SYDE1: variants seen among roughly 807,000 people sequenced by gnomAD.
SYDE1 encodes rho GTPase-activating protein SYDE1.
In SYDE1, 34 loss-of-function variants were observed where a neutral mutation model predicts 63.3. The ratio of observed to expected loss-of-function variants is 0.54; its 90% confidence interval spans 0.41 to 0.71. SYDE1 has a LOEUF of 0.71. SYDE1 is among the 30% of genes least tolerant of loss of function. The pLI, the probability that SYDE1 is intolerant of heterozygous loss-of-function variation, is 0.00. For synonymous variants in SYDE1, 467 were observed against 473.4 expected (o/e 0.99, Z 0.18); for missense variants, 925 against 1,042.5 (o/e 0.89, Z 1.55).
chr19:15,110,546 G>A lies in SYDE1; in HGVS notation c.1101G>A (p.Val367=), dbSNP rs1431058807. The A allele has an allele frequency of 6.3e-7, 1 of 1,592,304 alleles. No homozygotes were observed. The highest frequency in any genetic ancestry group is 1.1e-5 in the South Asian group (1 of 88,100). The part of the protein sequence containing the change: ...FRGCQAQQLA[V]RLEPQGLLYA... ...GGTGCCAGGCCCAACAGCTGGCCGTGCGCCTGGAGCCTCAGGGGCTGCTGT... is the reference window on the plus strand; with the variant it reads ...GGTGCCAGGCCCAACAGCTGGCCGTACGCCTGGAGCCTCAGGGGCTGCTGT... The change falls in exon 4 of 8, where the codon GTG becomes GTA. Residue 367 remains valine, a synonymous_variant. Coordinates refer to ENST00000342784, the MANE Select transcript of SYDE1 (RefSeq NM_033025.6). The surrounding 1 kb of genome is among the most constrained non-coding windows in gnomAD (Gnocchi z 6.9).
intron 6 of SYDE1, 35 bp from the exon 7 acceptor site, chr19:15,112,311 T>G: frequency 6.7e-7 from 1 of 1,484,474 alleles, no homozygotes; most frequent in Non-Finnish European, 9.2e-7. Flanking sequence ...GGGGCCTGAC[T>G]TTGTCTGACT....
rs1163420398 is a variant in SYDE1, at chr19:15,108,947, G to GGGGCCGGCCA, written c.89-102_89-93dup. ...GGATCCAAGGAACCATGACTTATCA[G>GGGGCCGGCCA]GGGCCGGCCAGGGCCGTACACAGCA... On this transcript the variant is annotated intron_variant, in intron 1 of 7. Transcript: ENST00000342784. The surrounding 1 kb of genome is among the most constrained non-coding windows in gnomAD (Gnocchi z 4.3). 17 of 1,407,502 alleles carry GGGGCCGGCCA rather than the reference G, an allele frequency of 1.2e-5. No homozygotes were observed. Among genetic ancestry groups the GGGGCCGGCCA allele is most frequent in the East Asian group, 2.6e-5 (1 of 38,188 alleles). The allele number at this position is 1,407,502 out of a possible 1,614,324, so 87.2% of individuals were successfully genotyped here.
intron 7 of SYDE1, 103 bp from the exon 8 acceptor site, chr19:15,113,453 AGGGT>A: frequency 7.5e-7 from 1 of 1,334,930 alleles, no homozygotes; most frequent in Non-Finnish European, 1.0e-6. Flanking sequence ...AAAACCTGAA[AGGGT>A]CGAAGGCCGC....
rs756057673 is a variant in SYDE1 at position 15,110,544 on chromosome 19, G to A, written c.1099G>A (p.Val367Met). The A allele has an allele frequency of 8.2e-6, 13 of 1,590,994 alleles. No homozygotes were observed. The highest frequency in any genetic ancestry group is 1.1e-5 in the South Asian group (1 of 87,990). Residue 367 changes from valine (V) to methionine (M), a missense_variant, in exon 4 of 8, where the codon GTG becomes ATG. Physicochemically the swap from Val to Met is conservative, Grantham distance 21 (BLOSUM62 1). Coordinates refer to ENST00000342784, the MANE Select transcript of SYDE1 (RefSeq NM_033025.6). This position sits in a 1 kb window ranked among gnomAD's most constrained non-coding sequence, Gnocchi z 6.9. The part of the protein sequence containing the change: ...FRGCQAQQLA[V>M]RLEPQGLLYA... ...AGGGTGCCAGGCCCAACAGCTGGCC[G>A]TGCGCCTGGAGCCTCAGGGGCTGCT...
Position 15,109,026 on chromosome 19 carries a change from G to A in SYDE1, c.89-30G>A, listed in dbSNP as rs982722561. The A allele has an allele frequency of 8.2e-6, 12 of 1,454,788 alleles. No individual in the cohort carries two copies. The highest frequency in any genetic ancestry group is 1.1e-5 in the Non-Finnish European group (12 of 1,109,654). 90.1% of individuals were successfully genotyped at this position (1,454,788 alleles called of 1,614,324 possible). ...TGCTCTGCAGGCAGTGAGGGGCTGG[G>A]TGGGTCTCACTCCCCTTGCTCTCTG... On this transcript the variant is annotated intron_variant, in intron 1 of 7. Transcript: ENST00000342784. The surrounding 1 kb of genome is among the most constrained non-coding windows in gnomAD (Gnocchi z 5.0).
Position 15,111,859 on chromosome 19 carries a change from A to G in SYDE1, c.1578+67A>G. The G allele has an allele frequency of 2.0e-6, 3 of 1,467,170 alleles. No homozygotes were observed. Among genetic ancestry groups the G allele is most frequent in the South Asian group, 2.8e-5 (2 of 71,800 alleles). 90.9% of individuals were successfully genotyped at this position (1,467,170 alleles called of 1,614,324 possible). A position where few individuals can be genotyped will look rare whatever the true frequency, so the allele number is the denominator to read the frequency against. On this transcript the variant is annotated intron_variant, in intron 6 of 7. Coordinates refer to ENST00000342784, the MANE Select transcript of SYDE1 (RefSeq NM_033025.6). This position sits in a 1 kb window ranked among gnomAD's most constrained non-coding sequence, Gnocchi z 5.5. ...CTGATACCAATAGAATGTTTCACCC[A>G]TGCCTGGGCCTGAGATGGGCATGAG...
At chr19:15,112,670 C>A (rs1805481753) in intron 7 of SYDE1, 99 bp downstream of exon 7, 1 of 1,057,526 alleles carries the variant, frequency 9.5e-7, no homozygotes, top group Admixed American at 2.9e-5. Context: ...TGAAGCTACG[C>A]CCCCTCATGG....
chr19:15,109,768 C>G lies in SYDE1; in HGVS notation c.495C>G (p.Arg165=), dbSNP rs754239433. The part of the protein sequence containing the change: ...SRTKSPGPAR[R]LSIKMKKLPE... ...CCAAGTCCCCGGGCCCCGCCAGGCG[C>G]CTCTCCATAAAGATGAAGAAGCTGC... is the stretch of plus-strand genomic sequence containing the variant. The change falls in exon 3 of 8, where the codon CGC becomes CGG. Residue 165 remains arginine (R), a synonymous_variant. Transcript: ENST00000342784. This position sits in a 1 kb window ranked among gnomAD's most constrained non-coding sequence, Gnocchi z 5.0. 21 of 1,538,984 alleles carry G rather than the reference C, an allele frequency of 1.4e-5. No homozygotes were observed. Among genetic ancestry groups the G allele is most frequent in the Admixed American group, 3.9e-5 (2 of 51,342 alleles).
At position 15,114,949 on chromosome 19, in the gene SYDE1, T is replaced by C. The variant is rs1171620034; in HGVS notation, c.*986T>C. On this transcript the variant is annotated 3_prime_UTR_variant, in exon 8 of 8. Transcript: ENST00000342784. The stretch of plus-strand genomic sequence containing the variant: ...CTTCTTTTCCGCACCTCCATCTTTG[T>C]GGATAATAAATAAATATGCACAGGT... The C allele has an allele frequency of 2.2e-6, 1 of 455,780 alleles. No individual in the cohort carries two copies. Among genetic ancestry groups the C allele is most frequent in the Non-Finnish European group, 4.0e-6 (1 of 247,710 alleles). 28.2% of individuals were successfully genotyped at this position (455,780 alleles called of 1,614,324 possible). A position where few individuals can be genotyped will look rare whatever the true frequency, so the allele number is the denominator to read the frequency against.
rs748796474 is a variant in SYDE1 at position 15,113,778 on chromosome 19, T to C, written c.2023T>C (p.Tyr675His). 1.2e-6 allele frequency: 2 copies of C among 1,614,114 alleles called. No individual in the cohort carries two copies. The highest frequency in any genetic ancestry group is 1.7e-6 in the Non-Finnish European group (2 of 1,180,032). The change falls in exon 8 of 8, where the codon TAC becomes CAC. Residue 675 changes from tyrosine (Y) to histidine (H), a missense_variant. Physicochemically the swap from Tyr to His is moderately conservative, Grantham distance 83. Around this residue, in one of 3 missense-constraint regions of SYDE1, gnomAD observed 255 missense variants for 255.9 expected, o/e 1.00. Transcript: ENST00000342784. ...CGRDFLSGPDYDHVTGSDSED... is the reference protein window; with the variant it reads ...CGRDFLSGPDHDHVTGSDSED... ...GCGGGATTTCCTGTCCGGGCCAGAC[T>C]ACGACCACGTGACGGGCAGTGACAG... is the stretch of plus-strand genomic sequence containing the variant.
In SYDE1 at chr19:15,111,104, A is replaced by C. The variant is rs2046343158; in HGVS notation, c.1291-209A>C. 6.6e-6 allele frequency among the ~76,000 whole-genome samples: 1 copy of C among 152,140 alleles called. No individual in the cohort carries two copies. Among genetic ancestry groups the C allele is most frequent in the Non-Finnish European group, 1.5e-5 (1 of 68,028 alleles). ...TAGTCATGGAAAGCCTCCTCAAAGA[A>C]GTGTCAGTTTCCTAAGTCAAAGGAG... On this transcript the variant is annotated intron_variant, in intron 4 of 7. Transcript: ENST00000342784. The surrounding 1 kb of genome is among the most constrained non-coding windows in gnomAD (Gnocchi z 5.5).
At position 15,113,854 on chromosome 19, in the gene SYDE1, A is replaced by G; in HGVS notation, c.2099A>G (p.Glu700Gly). Reference protein sequence around the residue: ...VGEPRVTGDFEDDFDAPFNPH... With the variant: ...VGEPRVTGDFGDDFDAPFNPH... Reference sequence around the variant, plus strand: ...GAGCCGAGGGTCACCGGTGACTTCGAAGACGACTTCGATGCGCCCTTCAAC... The same window carrying G: ...GAGCCGAGGGTCACCGGTGACTTCGGAGACGACTTCGATGCGCCCTTCAAC... Residue 700 changes from glutamate to glycine, a missense_variant, in exon 8 of 8, where the codon GAA becomes GGA. Around this residue, in one of 3 missense-constraint regions of SYDE1, gnomAD observed 255 missense variants for 255.9 expected, o/e 1.00. Coordinates refer to ENST00000342784, the MANE Select transcript of SYDE1 (RefSeq NM_033025.6). The G allele has an allele frequency of 6.2e-7, 1 of 1,614,182 alleles. No individual in the cohort carries two copies. The highest frequency in any genetic ancestry group is 8.5e-7 in the Non-Finnish European group (1 of 1,180,040).
In SYDE1 at chr19:15,112,476, G is replaced by T; in HGVS notation, c.1709G>T (p.Arg570Met). 6.2e-7 allele frequency: 1 copy of T among 1,606,488 alleles called. No homozygotes were observed. The highest frequency in any genetic ancestry group is 8.5e-7 in the Non-Finnish European group (1 of 1,176,972). ...CTGCCGGCACGCCAGGCGCCCACAAGGCCTCGTGCCCGCAGCTCCGGCCCA... is the reference window on the plus strand; with the variant it reads ...CTGCCGGCACGCCAGGCGCCCACAATGCCTCGTGCCCGCAGCTCCGGCCCA... The part of the protein sequence containing the change: ...VLLPARQAPT[R>M]PRARSSGPGL... Residue 570 changes from arginine (R) to methionine (M), a missense_variant, in exon 7 of 8, where the codon AGG becomes ATG. Transcript: ENST00000342784.
Position 15,109,831 on chromosome 19 carries a change from G to A in SYDE1, c.558G>A (p.Arg186=). The part of the protein sequence containing the change: ...LRRRLSLRGP[R]AGRERERAAP... Reference sequence around the variant, plus strand: ...GCCGCCTGAGCCTGCGAGGCCCCCGGGCTGGCAGGGAGCGCGAGAGGGCTG... The same window carrying A: ...GCCGCCTGAGCCTGCGAGGCCCCCGAGCTGGCAGGGAGCGCGAGAGGGCTG... The change falls in exon 3 of 8, where the codon CGG becomes CGA. Residue 186 remains arginine (R), a synonymous_variant. Transcript: ENST00000342784. This position sits in a 1 kb window ranked among gnomAD's most constrained non-coding sequence, Gnocchi z 5.0. 1 of 1,533,626 alleles carries A rather than the reference G, an allele frequency of 6.5e-7. No homozygotes were observed.
rs776618393 is a variant in SYDE1 at position 15,109,980 on chromosome 19, C to T, written c.707C>T (p.Pro236Leu). Residue 236 changes from proline (P) to leucine (L), a missense_variant, in exon 3 of 8, where the codon CCG (proline) becomes CTG (leucine). Around this residue, in one of 3 missense-constraint regions of SYDE1, gnomAD observed 599 missense variants for 653.7 expected, o/e 0.92. Coordinates refer to ENST00000342784, the MANE Select transcript of SYDE1 (RefSeq NM_033025.6). This position sits in a 1 kb window ranked among gnomAD's most constrained non-coding sequence, Gnocchi z 5.0. ...RAGYLSDGDS[P>L]ERPAGPPSPT... ...GGTTACCTCAGCGACGGGGACTCAC[C>T]GGAGCGCCCAGCTGGGCCCCCATCA... 9 of 1,488,480 alleles carry T rather than the reference C, an allele frequency of 6.0e-6. No homozygotes were observed. The highest frequency in any genetic ancestry group is 8.0e-6 in the Non-Finnish European group (9 of 1,127,318). The allele number at this position is 1,488,480 out of a possible 1,614,324, so 92.2% of individuals were successfully genotyped here. A position where few individuals can be genotyped will look rare whatever the true frequency, so the allele number is the denominator to read the frequency against.
rs751103685 is a variant in SYDE1, at chr19:15,111,687, G to A, written c.1473G>A (p.Leu491=). The part of the protein sequence containing the change: ...ELPTPLITQP[L]YKVVLEAMAR... Reference sequence around the variant, plus strand: ...CCACCCCACTCATCACCCAGCCCCTGTATAAGGTGGTACTGGAGGCCATGG... The same window carrying A: ...CCACCCCACTCATCACCCAGCCCCTATATAAGGTGGTACTGGAGGCCATGG... Residue 491 remains leucine (L), a synonymous_variant, in exon 6 of 8, where the codon CTG becomes CTA. Coordinates refer to ENST00000342784, the MANE Select transcript of SYDE1 (RefSeq NM_033025.6). This position sits in a 1 kb window ranked among gnomAD's most constrained non-coding sequence, Gnocchi z 5.5. The A allele has an allele frequency of 1.2e-6, 2 of 1,613,542 alleles. No homozygotes were observed. The highest frequency in any genetic ancestry group is 1.7e-6 in the Non-Finnish European group (2 of 1,179,720).
Position 15,112,576 on chromosome 19 carries a change from G to A in SYDE1, c.1804+5G>A. ...ACCTGCTGCAGTCTTGGCCAGGTGA[G>A]TTCATGCCCAGGGCCTGCACCACCA... On this transcript the variant is annotated splice_donor_5th_base_variant and intron_variant, in intron 7 of 7. Coordinates refer to ENST00000342784, the MANE Select transcript of SYDE1 (RefSeq NM_033025.6). The A allele has an allele frequency of 6.4e-7, 1 of 1,559,188 alleles. No homozygotes were observed. The highest frequency in any genetic ancestry group is 1.2e-5 in the South Asian group (1 of 84,778).
rs115843222 is a variant in SYDE1 at position 15,108,297 on chromosome 19, C to A, written c.89-759C>A. ...CATGGACGTACCCCTTCCCCCCAGG[C>A]CTTCCCAAAGATTCCCAATGTTCCC... On this transcript the variant is annotated intron_variant, in intron 1 of 7. Transcript: ENST00000342784. The surrounding 1 kb of genome is among the most constrained non-coding windows in gnomAD (Gnocchi z 4.3). Among the ~76,000 whole-genome samples, 191 of 152,244 alleles carry A rather than the reference C, an allele frequency of 1.3e-3. No homozygotes were observed. The highest frequency in any genetic ancestry group is 4.5e-3 in the African/African-American group (185 of 41,542).
chr19:15,109,257 G>A lies in SYDE1; in HGVS notation c.290G>A (p.Gly97Glu). 1 of 1,604,888 alleles carries A rather than the reference G, an allele frequency of 6.2e-7. No homozygotes were observed. Among genetic ancestry groups the A allele is most frequent in the Non-Finnish European group, 8.5e-7 (1 of 1,175,898 alleles). Reference protein sequence around the residue: ...GAKPAEDTSLGPGVPGTGEPA... With the variant: ...GAKPAEDTSLEPGVPGTGEPA... ...AAGCCAGCTGAGGACACCTCTTTAGGGCCTGGGGTACCTGGCACTGGGGAG... is the reference window on the plus strand; with the variant it reads ...AAGCCAGCTGAGGACACCTCTTTAGAGCCTGGGGTACCTGGCACTGGGGAG... The change falls in exon 2 of 8, where the codon GGG becomes GAG. Residue 97 changes from glycine (G) to glutamate (E), a missense_variant. Around this residue, in one of 3 missense-constraint regions of SYDE1, gnomAD observed 599 missense variants for 653.7 expected, o/e 0.92. Transcript: ENST00000342784. The surrounding 1 kb of genome is among the most constrained non-coding windows in gnomAD (Gnocchi z 5.0).
Sources: gnomAD v4.1 joint callset for allele counts (sites outside exome capture counted in the v4.1 genomes callset) on GRCh38, gnomAD v4.1.1 for gene constraint, gnomAD v4.1.1 regional missense constraint, Gnocchi (gnomAD v3.1) non-coding constraint, MANE v1.5 for transcripts, NCBI Gene and HGNC (gene_info 2026-07-23, HGNC 2026-07-21) for gene names.